SEMA6D: variants seen among roughly 807,000 people sequenced by gnomAD.
The protein encoded by SEMA6D is semaphorin 6D.
A neutral mutation model predicts 106.6 loss-of-function variants in SEMA6D; 35 were observed. That is an observed-to-expected ratio of 0.33 (90% CI 0.25 to 0.44). SEMA6D has a LOEUF of 0.44. Among genes scored for constraint, SEMA6D ranks in the 20% least tolerant of loss-of-function variants. The pLI, the probability that SEMA6D is intolerant of heterozygous loss-of-function variation, is 1.00. For missense variants in SEMA6D, 1,185 were observed against 1,345.9 expected, an observed-to-expected ratio of 0.88 and a Z score of 1.87; for synonymous variants, 499 against 487.7, an observed-to-expected ratio of 1.02 and a Z score of -0.31.
rs869122623 is a variant in SEMA6D, at chr15:47,720,261, C to CTTTTTTTTTTTTTTTTTTTTTT, written c.-55+2571_-55+2592dup. On this transcript the variant is annotated intron_variant, in intron 1 of 18. Transcript: ENST00000536845. Reference sequence around the variant, plus strand: ...TAGGGATGCTATATCAATAACCTTTCTTTTTTTTTTTTTTTTTTTTTTTGG... The same window carrying CTTTTTTTTTTTTTTTTTTTTTT: ...TAGGGATGCTATATCAATAACCTTTCTTTTTTTTTTTTTTTTTTTTTTTTTTTTTTTTTTTTTTTTTTTTTGG... Among the ~76,000 whole-genome samples, 4 of 97,164 alleles carry CTTTTTTTTTTTTTTTTTTTTTT rather than the reference C, an allele frequency of 4.1e-5. 1 individual carries two copies. Among genetic ancestry groups the CTTTTTTTTTTTTTTTTTTTTTT allele is most frequent in the Non-Finnish European group, 6.1e-5 (3 of 49,470 alleles). The allele number at this position is 97,164 out of a possible 152,430, so 63.7% of individuals were successfully genotyped here. A position where few individuals can be genotyped will look rare whatever the true frequency, so the allele number is the denominator to read the frequency against.
At chr15:47,443,338 A>G (rs1317766379) in intron 2 of SEMA6D, among the ~76,000 whole-genome samples, 1 of 152,108 alleles carries the variant, frequency 6.6e-6, no homozygotes, top group Non-Finnish European at 1.5e-5. Context: ...TGCAGTTTCC[A>G]CTTTGCTACC....
intron 2 of SEMA6D, among the ~76,000 whole-genome samples, chr15:47,439,287 T>C (rs1595998471): frequency 6.6e-6 from 1 of 152,158 alleles, no homozygotes; most frequent in African/African-American, 2.4e-5. Flanking sequence ...TAACAAAGTT[T>C]GTGAGTCAGC....
chr15:47,336,333 G>A (rs1457778217), intron 1 of SEMA6D, among the ~76,000 whole-genome samples: 1 of 152,140 alleles, frequency 6.6e-6, no homozygotes, highest in East Asian at 1.9e-4. Flanking sequence ...TGCTAACTGG[G>A]AATCTCGGGA....
chr15:47,245,860 G>T (rs769991768), intron 1 of SEMA6D, among the ~76,000 whole-genome samples: 1 of 152,078 alleles, frequency 6.6e-6, no homozygotes, highest in Non-Finnish European at 1.5e-5. Context: ...AAAAAAATTT[G>T]TGTATAGATA....
intron 1 of SEMA6D, among the ~76,000 whole-genome samples, chr15:47,375,367 T>G (rs2039413453): frequency 6.6e-6 from 1 of 152,192 alleles, no homozygotes; most frequent in African/African-American, 2.4e-5. Context: ...CCTCTCCCAT[T>G]CCTCTTCCTT....
chr15:47,502,618 G>GCAT (rs1379735401), intron 3 of SEMA6D, among the ~76,000 whole-genome samples: 1 of 152,174 alleles, frequency 6.6e-6, no homozygotes, highest in Non-Finnish European at 1.5e-5. Flanking sequence ...AATGACAAGG[G>GCAT]CATGTCATAT....
intron 1 of SEMA6D, among the ~76,000 whole-genome samples, chr15:47,212,601 T>C (rs1420019354): frequency 6.6e-6 from 1 of 152,230 alleles, no homozygotes; most frequent in Non-Finnish European, 1.5e-5. Context: ...TTATCCACTT[T>C]CTGTAATTCT....
intron 1 of SEMA6D, among the ~76,000 whole-genome samples, chr15:47,350,856 G>C (rs2038297102): frequency 6.6e-6 from 1 of 152,110 alleles, no homozygotes; most frequent in Non-Finnish European, 1.5e-5. Context: ...AGGCCAGTCT[G>C]TTTGTAAGGT....
chr15:47,743,395 T>G (rs2080934136), intron 1 of SEMA6D, among the ~76,000 whole-genome samples: 1 of 152,158 alleles, frequency 6.6e-6, no homozygotes, highest in African/African-American at 2.4e-5. Context: ...TTTTTTTTCT[T>G]GAGAAGGCAC....
chr15:47,315,999 G>T lies in SEMA6D; in HGVS notation c.-238-96394G>T, dbSNP rs531623235. ...ATTAGTTTCGAGAGGGTTTTTTTTT[G>T]TGTGTGTGTCTACTCTTTTGGATTT... On this transcript the variant is annotated intron_variant, in intron 1 of 19. Coordinates refer to the SEMA6D transcript ENST00000558014. Among the ~76,000 whole-genome samples, 323 of 149,822 alleles carry T rather than the reference G, an allele frequency of 2.2e-3. 2 individuals are homozygous for T. Among genetic ancestry groups the T allele is most frequent in the Non-Finnish European group, 2.9e-3 (195 of 67,506 alleles).
chr15:47,491,295 A>G (rs980048904), intron 3 of SEMA6D, among the ~76,000 whole-genome samples: 13 of 152,312 alleles, frequency 8.5e-5, no homozygotes, highest in African/African-American at 3.1e-4. Context: ...CTTGTGATAT[A>G]TTATCACAGT....
At chr15:47,316,102 C>CTTTTTTTTTTCTTTTTTTTTTT (rs67090828) in intron 1 of SEMA6D, among the ~76,000 whole-genome samples, 1 of 81,484 alleles carries the variant, frequency 1.2e-5, no homozygotes, top group Non-Finnish European at 2.1e-5. Flanking sequence ...CATTTATTTC[C>CTTTTTTTTTTCTTTTTTTTTTT]TTTTTTTTGA....
At chr15:47,249,601 G>A (rs2033397091) in intron 1 of SEMA6D, among the ~76,000 whole-genome samples, 1 of 152,008 alleles carries the variant, frequency 6.6e-6, no homozygotes, top group African/African-American at 2.4e-5. Flanking sequence ...GAAGCACAGG[G>A]GTAGGCTGTG....
At chr15:47,745,611 G>A (rs552115353) in intron 1 of SEMA6D, among the ~76,000 whole-genome samples, 1 of 152,334 alleles carries the variant, frequency 6.6e-6, no homozygotes, top group South Asian at 2.1e-4. Context: ...TTGCCTCTGT[G>A]GACCCAGAGG....
At chr15:47,685,779 T>C (rs73392879) in intron 4 of SEMA6D, among the ~76,000 whole-genome samples, 7,841 of 152,242 alleles carry the variant, frequency 0.052, 715 homozygotes, top group African/African-American at 0.18. Flanking sequence ...GCTAACCATA[T>C]GAGGAATCTA....
At chr15:47,557,949 A>T (rs755249101) in intron 3 of SEMA6D, among the ~76,000 whole-genome samples, 2 of 152,124 alleles carry the variant, frequency 1.3e-5, no homozygotes, top group Non-Finnish European at 2.9e-5. Flanking sequence ...TACAATTCTG[A>T]TGAAGCCTAT....
intron 2 of SEMA6D, among the ~76,000 whole-genome samples, chr15:47,426,722 A>G (rs2041350946): frequency 6.6e-6 from 1 of 152,162 alleles, no homozygotes; most frequent in Non-Finnish European, 1.5e-5. Flanking sequence ...ACACATACAT[A>G]TATAATACCA....
chr15:47,278,166 T>G (rs538917479), intron 1 of SEMA6D, among the ~76,000 whole-genome samples: 1 of 152,254 alleles, frequency 6.6e-6, no homozygotes, highest in African/African-American at 2.4e-5. Context: ...TTTCTAGTTC[T>G]AGATCCCTGA....
chr15:47,315,989 G>GT (rs970649335), intron 1 of SEMA6D, among the ~76,000 whole-genome samples: 110 of 149,398 alleles, frequency 7.4e-4, no homozygotes, highest in African/African-American at 2.3e-3. Context: ...TTTCGAGAGG[G>GT]TTTTTTTTTG....
Sources: allele counts gnomAD v4.1 joint callset (sites outside exome capture counted in the v4.1 genomes callset), GRCh38; gene constraint gnomAD v4.1.1; transcripts MANE v1.5; gene names NCBI Gene and HGNC (gene_info 2026-07-23, HGNC 2026-07-21).